VTA1: variants seen among roughly 807,000 people sequenced by gnomAD.
VTA1 encodes the protein vacuolar protein sorting-associated protein VTA1 homolog.
VTA1 carries 24 observed loss-of-function variants against 36.9 expected under a neutral mutation model. That is an observed-to-expected ratio of 0.65 (90% confidence interval 0.47 to 0.91). The LOEUF is 0.91. VTA1 is among the 40% of genes least tolerant of loss of function. The pLI, the probability that VTA1 is intolerant of heterozygous loss-of-function variation, is 0.00. For missense variants in VTA1, 393 were observed against 377.2 expected (o/e 1.04, Z -0.35); for synonymous variants, 142 against 130.2 (o/e 1.09, Z -0.62).
intron 5 of VTA1, among the ~76,000 whole-genome samples, chr6:142,198,096 C>CAA (rs200763527): frequency 0.055 from 5,428 of 99,408 alleles, 155 homozygotes; most frequent in African/African-American, 0.092. Context: ...GACTCCGTCT[C>CAA]AAAAAAAAAT....
intron 4 of VTA1, among the ~76,000 whole-genome samples, chr6:142,175,965 A>T (rs1387062870): frequency 6.6e-6 from 1 of 152,106 alleles, no homozygotes; most frequent in Non-Finnish European, 1.5e-5. Flanking sequence ...TTATCATTCC[A>T]TCACAACATT....
At chr6:142,208,979 T>C (rs182366912) in intron 7 of VTA1, among the ~76,000 whole-genome samples, 10 of 152,296 alleles carry the variant, frequency 6.6e-5, no homozygotes, top group Admixed American at 6.5e-4. Context: ...ATGTATATAA[T>C]TTTTTAGTAT....
intron 5 of VTA1, among the ~76,000 whole-genome samples, chr6:142,194,373 G>A (rs1165141918): frequency 6.6e-6 from 1 of 152,018 alleles, no homozygotes; most frequent in Non-Finnish European, 1.5e-5. Context: ...AGAATTAATT[G>A]TCTTTCAGTA....
intron 5 of VTA1, among the ~76,000 whole-genome samples, chr6:142,195,530 GT>G (rs894365249): frequency 6.3e-5 from 9 of 142,340 alleles, no homozygotes; most frequent in African/African-American, 1.8e-4. Flanking sequence ...ACTTAGTACA[GT>G]TTTTTTCTTC....
Position 142,166,252 on chromosome 6 carries a change from G to A in VTA1, c.137G>A (p.Gly46Glu). The A allele has an allele frequency of 6.2e-7, 1 of 1,611,590 alleles. No homozygotes were observed. The highest frequency in any genetic ancestry group is 8.5e-7 in the Non-Finnish European group (1 of 1,178,594). Residue 46 changes from glycine (G) to glutamate (E), a missense_variant, in exon 2 of 8, where the codon GGA becomes GAA. By Grantham distance (98) the Gly-to-Glu change is moderately conservative. Coordinates refer to ENST00000367630, the MANE Select transcript of VTA1 (RefSeq NM_016485.5). ...YYCRLYAMQT[G>E]MKIDSKTPEC... ...GGTCGTTTATACGCAATGCAGACTG[G>A]AATGAAGATCGATAGTAAAACTCCT... is the stretch of plus-strand genomic sequence containing the variant.
In VTA1 at chr6:142,147,373, A is replaced by G. The variant is rs531459447; in HGVS notation, c.86A>G (p.Lys29Arg). ...CTGAGGACGGCTCAGGAGCATGACA[A>G]GCGAGACCCTGTGGTGGCTTATTAC... ...HHLRTAQEHDKRDPVVAYYCR... is the reference protein window; with the variant it reads ...HHLRTAQEHDRRDPVVAYYCR... The change falls in exon 1 of 8, where the codon AAG becomes AGG. Residue 29 changes from lysine to arginine, a missense_variant. By Grantham distance (26) the Lys-to-Arg change is conservative. Transcript: ENST00000367630. 1.0e-4 allele frequency: 162 copies of G among 1,614,058 alleles called. No individual in the cohort carries two copies. In the Admixed American group the frequency reaches 1.3e-3, roughly 13 times the overall value.
intron 5 of VTA1, among the ~76,000 whole-genome samples, chr6:142,190,404 G>T (rs925372020): frequency 2.0e-5 from 3 of 151,192 alleles, no homozygotes; most frequent in Admixed American, 6.6e-5. Flanking sequence ...TCATACAACT[G>T]GTAATATACA....
intron 2 of VTA1, among the ~76,000 whole-genome samples, chr6:142,167,368 C>T (rs1160172344): frequency 6.6e-6 from 1 of 152,168 alleles, no homozygotes; most frequent in East Asian, 1.9e-4. Context: ...AATTCATCTC[C>T]TCCAAGACTG....
At chr6:142,191,998 G>C (rs1775464558) in intron 5 of VTA1, among the ~76,000 whole-genome samples, 1 of 151,980 alleles carries the variant, frequency 6.6e-6, no homozygotes, top group South Asian at 2.1e-4. Flanking sequence ...GAAAATAATA[G>C]ATATTGTACT....
chr6:142,165,236 C>G (rs891045567), intron 1 of VTA1, among the ~76,000 whole-genome samples: 1 of 152,008 alleles, frequency 6.6e-6, no homozygotes, highest in African/African-American at 2.4e-5. Context: ...TGAGTTTAGG[C>G]AAAATGAGTG....
Position 142,198,469 on chromosome 6 carries a change from C to G in VTA1, c.551C>G (p.Ala184Gly), listed in dbSNP as rs1319184468. The change falls in exon 6 of 8, where the codon GCC (alanine) becomes GGC (glycine). Residue 184 changes from alanine (A) to glycine (G), a missense_variant. Physicochemically the swap from Ala to Gly is moderately conservative, Grantham distance 60 (BLOSUM62 0). Coordinates refer to ENST00000367630, the MANE Select transcript of VTA1 (RefSeq NM_016485.5). ...GAAGAAAATGAAGATGCTGGAGCAG[C>G]CTCTCTGCCCACTCAGCCAACTCAG... ...DIEENEDAGA[A>G]SLPTQPTQPS... The G allele has an allele frequency of 1.2e-6, 2 of 1,613,958 alleles. No individual in the cohort carries two copies. Among genetic ancestry groups the G allele is most frequent in the Non-Finnish European group, 1.7e-6 (2 of 1,179,910 alleles).
At chr6:142,200,716 T>G (rs1162375507) in intron 6 of VTA1, among the ~76,000 whole-genome samples, 4 of 151,968 alleles carry the variant, frequency 2.6e-5, no homozygotes. Context: ...ATTAGAAAGT[T>G]TTTTGTCATA....
At chr6:142,208,973 A>G (rs1465746260) in intron 7 of VTA1, among the ~76,000 whole-genome samples, 1 of 152,216 alleles carries the variant, frequency 6.6e-6, no homozygotes, top group Non-Finnish European at 1.5e-5. Flanking sequence ...AATACTATGT[A>G]TATAATTTTT....
chr6:142,203,656 A>G (rs565121602), intron 6 of VTA1, among the ~76,000 whole-genome samples: 164 of 152,270 alleles, frequency 1.1e-3, no homozygotes, highest in African/African-American at 3.9e-3. Flanking sequence ...CTAAATTAGA[A>G]TTATGTTCTA....
intron 7 of VTA1, among the ~76,000 whole-genome samples, chr6:142,211,214 C>A (rs576961096): frequency 2.0e-5 from 3 of 151,904 alleles, no homozygotes; most frequent in East Asian, 3.9e-4. Context: ...AAAGAATATA[C>A]GTGTTTTTAT....
intron 7 of VTA1, among the ~76,000 whole-genome samples, chr6:142,212,867 C>G (rs1775930386): frequency 6.6e-6 from 1 of 152,164 alleles, no homozygotes; most frequent in South Asian, 2.1e-4. Context: ...CCCCCATGAT[C>G]CAGTTACCTC....
intron 1 of VTA1, among the ~76,000 whole-genome samples, chr6:142,160,458 T>A (rs1385068739): frequency 6.6e-6 from 1 of 152,166 alleles, no homozygotes; most frequent in African/African-American, 2.4e-5. Flanking sequence ...TTCTTCAGAT[T>A]TCTGGGTTTT....
intron 1 of VTA1, among the ~76,000 whole-genome samples, chr6:142,159,691 T>G (rs1426236086): frequency 6.6e-6 from 1 of 151,522 alleles, no homozygotes. Context: ...TTTTTTGTAT[T>G]TTTAGTAGAG....
At chr6:142,214,189 C>A (rs1188394185) in intron 7 of VTA1, among the ~76,000 whole-genome samples, 2 of 152,160 alleles carry the variant, frequency 1.3e-5, no homozygotes, top group East Asian at 1.9e-4. Flanking sequence ...CCTAAATCAT[C>A]TCTCTCAATT....
Sources: gnomAD v4.1 joint callset for allele counts (sites outside exome capture counted in the v4.1 genomes callset) on GRCh38, gnomAD v4.1.1 for gene constraint, MANE v1.5 for transcripts, NCBI Gene and HGNC (gene_info 2026-07-23, HGNC 2026-07-21) for gene names.